ADAM22: variants seen among roughly 807,000 people sequenced by gnomAD.
The protein encoded by ADAM22 is disintegrin and metalloproteinase domain-containing protein 22.
In ADAM22, 65 loss-of-function variants were observed where a neutral mutation model predicts 144.6. The ratio of observed to expected loss-of-function variants is 0.45; its 90% CI spans 0.37 to 0.55. The LOEUF (loss-of-function observed/expected upper bound fraction) is 0.55, where lower values mean the gene tolerates loss of function less well. Ranked by LOEUF, ADAM22 falls within the 20% of genes least tolerant of loss-of-function variation. ADAM22 has a pLI of 0.00. For synonymous variants in ADAM22, 391 were observed against 412.6 expected, an observed-to-expected ratio of 0.95 and a Z score of 0.63; for missense variants, 974 against 1,184.9, an observed-to-expected ratio of 0.82 and a Z score of 2.61.
chr7:88,192,258 G>A (rs974827879), intron 30 of ADAM22, among the ~76,000 whole-genome samples: 1 of 152,216 alleles, frequency 6.6e-6, no homozygotes, highest in African/African-American at 2.4e-5. Flanking sequence ...TAACGTTTGT[G>A]AATGGAATAG....
intron 3 of ADAM22, among the ~76,000 whole-genome samples, chr7:87,985,353 AC>A (rs1256354041): frequency 6.6e-6 from 1 of 152,080 alleles, no homozygotes; most frequent in African/African-American, 2.4e-5. Flanking sequence ...CATAAAAGTC[AC>A]CCATTTCAAG....
intron 3 of ADAM22, among the ~76,000 whole-genome samples, chr7:88,021,164 T>C (rs764103457): frequency 6.6e-6 from 1 of 152,210 alleles, no homozygotes; most frequent in African/African-American, 2.4e-5. Context: ...GGTCAGCCTC[T>C]TGGGGCACAG....
intron 26 of ADAM22, among the ~76,000 whole-genome samples, chr7:88,172,891 T>C (rs1388529525): frequency 6.6e-6 from 1 of 152,024 alleles, no homozygotes; most frequent in Non-Finnish European, 1.5e-5. Flanking sequence ...TGATTGATCG[T>C]ATTAGAAATC....
chr7:88,122,203 T>C (rs994508434), intron 7 of ADAM22, among the ~76,000 whole-genome samples: 17 of 152,222 alleles, frequency 1.1e-4, no homozygotes, highest in African/African-American at 3.9e-4. Flanking sequence ...GGCTGATGGT[T>C]GCTCTCTTTC....
At chr7:88,045,485 G>A (rs1804397682) in intron 3 of ADAM22, among the ~76,000 whole-genome samples, 3 of 152,046 alleles carry the variant, frequency 2.0e-5, no homozygotes, top group Admixed American at 6.6e-5. Context: ...TGTACATACT[G>A]TGAAATGATT....
intron 3 of ADAM22, among the ~76,000 whole-genome samples, chr7:88,017,359 T>A (rs1284949111): frequency 6.6e-6 from 1 of 152,190 alleles, no homozygotes; most frequent in Non-Finnish European, 1.5e-5. Context: ...ATTGTATACA[T>A]ATCAGAATGT....
rs757656152 is a variant in ADAM22 at position 88,131,299 on chromosome 7, G to C, written c.856G>C (p.Val286Leu). The change falls in exon 11 of 32, where the codon GTA becomes CTA. Residue 286 changes from valine to leucine, a missense_variant. Coordinates refer to ENST00000413139, the MANE Select transcript of ADAM22 (RefSeq NM_001324418.2). The part of the protein sequence containing the change: ...IYKDQLKTRI[V>L]LVAMETWATD... Reference sequence around the variant, plus strand: ...TAAAGACCAACTTAAGACCAGGATAGTATTGGTTGCTATGGAAACCTGGGC... The same window carrying C: ...TAAAGACCAACTTAAGACCAGGATACTATTGGTTGCTATGGAAACCTGGGC... 6.2e-7 allele frequency: 1 copy of C among 1,613,616 alleles called. No homozygotes were observed.
intron 26 of ADAM22, among the ~76,000 whole-genome samples, chr7:88,173,409 A>C (rs1321137467): frequency 6.6e-6 from 1 of 152,026 alleles, no homozygotes; most frequent in Non-Finnish European, 1.5e-5. Flanking sequence ...CCTTGCCCAT[A>C]ACTAATGAAT....
intron 2 of ADAM22, among the ~76,000 whole-genome samples, chr7:87,949,048 T>A (rs1254533111): frequency 6.6e-6 from 1 of 152,200 alleles, no homozygotes; most frequent in Non-Finnish European, 1.5e-5. Flanking sequence ...TTTCTCTGGA[T>A]TATGTAATGC....
At chr7:87,982,056 T>TAC (rs1853591639) in intron 3 of ADAM22, among the ~76,000 whole-genome samples, 1 of 119,258 alleles carries the variant, frequency 8.4e-6, no homozygotes, top group Non-Finnish European at 1.7e-5. Context: ...TATATATATA[T>TAC]ATATATATAT....
chr7:88,073,876 G>A (rs767868533), intron 3 of ADAM22, among the ~76,000 whole-genome samples: 1 of 152,226 alleles, frequency 6.6e-6, no homozygotes, highest in South Asian at 2.1e-4. Context: ...CTAGTCAGTG[G>A]CTGTGGCTTG....
At chr7:88,093,285 A>C (rs1208255648) in intron 4 of ADAM22, among the ~76,000 whole-genome samples, 1 of 42,854 alleles carries the variant, frequency 2.3e-5, no homozygotes, top group Non-Finnish European at 5.0e-5. Flanking sequence ...GGTTTGAAGC[A>C]AAAAAAAAAA....
chr7:88,146,249 A>G (rs1836375534), intron 17 of ADAM22, among the ~76,000 whole-genome samples: 1 of 152,194 alleles, frequency 6.6e-6, no homozygotes, highest in South Asian at 2.1e-4. Context: ...TTAGACAGTA[A>G]TTGGTATACA....
Position 88,090,328 on chromosome 7 carries a change from C to T in ADAM22, c.390+14636C>T, listed in dbSNP as rs186831650. Among the ~76,000 whole-genome samples the T allele has an allele frequency of 1.5e-3, 225 of 152,254 alleles. 6 individuals carry two copies. Among genetic ancestry groups the T allele is most frequent in the Admixed American group, 0.014 (220 of 15,280 alleles). Reference sequence around the variant, plus strand: ...CATGCAGGTACCTCACATAGGTTCTCTCAGACAGGAGAGGAAATTTTGGAT... The same window carrying T: ...CATGCAGGTACCTCACATAGGTTCTTTCAGACAGGAGAGGAAATTTTGGAT... On this transcript the variant is annotated intron_variant, in intron 4 of 31. Transcript: ENST00000413139.
chr7:88,013,362 A>C (rs901008006), intron 3 of ADAM22, among the ~76,000 whole-genome samples: 1 of 152,114 alleles, frequency 6.6e-6, no homozygotes, highest in African/African-American at 2.4e-5. Context: ...AGCTCCTTAC[A>C]TGCTGGAACA....
intron 3 of ADAM22, among the ~76,000 whole-genome samples, chr7:88,039,464 A>AAAAAATATATATATATATATAT: frequency 2.6e-5 from 2 of 76,404 alleles, no homozygotes; most frequent in African/African-American, 9.5e-5. Context: ...AAAAAAAAAA[A>AAAAAATATATATATATATATAT]ATATATATAT....
At chr7:88,157,822 G>A (rs1586303475) in intron 22 of ADAM22, among the ~76,000 whole-genome samples, 1 of 152,242 alleles carries the variant, frequency 6.6e-6, no homozygotes, top group Non-Finnish European at 1.5e-5. Flanking sequence ...GCAGAGAACT[G>A]CTTTATTGTG....
intron 27 of ADAM22, among the ~76,000 whole-genome samples, chr7:88,180,457 C>A (rs1846716422): frequency 1.3e-5 from 2 of 151,932 alleles, no homozygotes; most frequent in African/African-American, 4.8e-5. Context: ...AAATTCCAAC[C>A]TAGGGAATTC....
chr7:88,167,131 C>G (rs1843139275), intron 24 of ADAM22, among the ~76,000 whole-genome samples: 1 of 152,090 alleles, frequency 6.6e-6, no homozygotes. Context: ...CTCAAGTAGC[C>G]CATGACTCCT....
Sources: gnomAD v4.1 joint callset for allele counts (sites outside exome capture counted in the v4.1 genomes callset) on GRCh38, gnomAD v4.1.1 for gene constraint, MANE v1.5 for transcripts, NCBI Gene and HGNC (gene_info 2026-07-23, HGNC 2026-07-21) for gene names.